KALRN: variants seen among roughly 807,000 people sequenced by gnomAD.
KALRN encodes the protein kalirin RhoGEF kinase, also known as kalirin.
A neutral mutation model predicts 353.7 loss-of-function variants in KALRN; 70 were observed. The ratio of observed to expected loss-of-function variants is 0.20; its 90% CI spans 0.16 to 0.24. The LOEUF is 0.24. Ranked by LOEUF, KALRN falls within the 10% of genes least tolerant of loss-of-function variation. The probability of loss-of-function intolerance (pLI) is 1.00; values close to 1 mark genes in which losing one functional copy is unlikely to be tolerated. For missense variants in KALRN, 2,791 were observed against 3,756.7 expected, an observed-to-expected ratio of 0.74 and a Z score of 6.72; for synonymous variants, 1,391 against 1,434.8, an observed-to-expected ratio of 0.97 and a Z score of 0.69.
chr3:124,279,995 G>A (rs1008052842), intron 5 of KALRN, among the ~76,000 whole-genome samples: 1 of 152,206 alleles, frequency 6.6e-6, no homozygotes, highest in Non-Finnish European at 1.5e-5. Flanking sequence ...TCTACAGAGA[G>A]GAGTGCAGGA....
At chr3:124,187,513 G>A (rs892788380) in intron 1 of KALRN, among the ~76,000 whole-genome samples, 7 of 152,320 alleles carry the variant, frequency 4.6e-5, no homozygotes, top group African/African-American at 1.4e-4. Flanking sequence ...TAAGCCTCTG[G>A]TATGAAAGGC....
intron 1 of KALRN, among the ~76,000 whole-genome samples, chr3:124,089,195 A>G (rs1375369186): frequency 6.6e-6 from 1 of 152,212 alleles, no homozygotes; most frequent in Non-Finnish European, 1.5e-5. Flanking sequence ...ATTATTATCA[A>G]TCCTAGTCCT....
At chr3:124,508,800 A>G (rs891824933) in intron 33 of KALRN, among the ~76,000 whole-genome samples, 2 of 152,216 alleles carry the variant, frequency 1.3e-5, no homozygotes, top group East Asian at 1.9e-4. Context: ...CCATTGCTCT[A>G]TATCCTCACC....
At position 124,220,905 on chromosome 3, in the gene KALRN, C is replaced by T. The variant is rs118150603; in HGVS notation, c.74-7085C>T. On this transcript the variant is annotated intron_variant, in intron 1 of 59. Coordinates refer to ENST00000682506, the MANE Select transcript of KALRN (RefSeq NM_001388419.1). ...CCTCAAAGATAAAGCAGAATGTGACCTGGAGGTTGGGATCAGAGCCTGCTG... is the reference window on the plus strand; with the variant it reads ...CCTCAAAGATAAAGCAGAATGTGACTTGGAGGTTGGGATCAGAGCCTGCTG... Among the ~76,000 whole-genome samples the T allele has an allele frequency of 6.8e-4, 103 of 152,336 alleles. No homozygotes were observed. The East Asian group carries it at 0.019, about 28-fold the overall frequency.
chr3:124,462,951 G>A lies in KALRN; in HGVS notation c.4031+318G>A, dbSNP rs150386784. Among the ~76,000 whole-genome samples the A allele has an allele frequency of 1.6e-3, 236 of 152,256 alleles. 3 individuals are homozygous for A. The highest frequency in any genetic ancestry group is 4.6e-3 in the East Asian group (24 of 5,176). On this transcript the variant is annotated intron_variant, in intron 25 of 59. Coordinates refer to ENST00000682506, the MANE Select transcript of KALRN (RefSeq NM_001388419.1). The stretch of plus-strand genomic sequence containing the variant: ...ATTAAATCTTGTGGGAAATCCTGAC[G>A]TTAGAATTCATCTGAGGCTAACCAT...
intron 51 of KALRN, among the ~76,000 whole-genome samples, chr3:124,681,443 T>C (rs638475): frequency 0.015 from 2,303 of 152,122 alleles, 61 homozygotes; most frequent in African/African-American, 0.053. Flanking sequence ...AAACCAAAAA[T>C]TGTGTTGATG....
chr3:124,712,820 T>C lies in KALRN; in HGVS notation c.8076-115T>C, dbSNP rs538741882. 4.6e-6 allele frequency: 3 copies of C among 646,684 alleles called. No individual in the cohort carries two copies. The African/African-American group carries it at 5.5e-5, about 12-fold the overall frequency. The allele number at this position is 646,684 out of a possible 1,614,324, so 40.1% of individuals were successfully genotyped here. A position where few individuals can be genotyped will look rare whatever the true frequency, so the allele number is the denominator to read the frequency against. On this transcript the variant is annotated intron_variant, in intron 57 of 59. Coordinates refer to ENST00000682506, the MANE Select transcript of KALRN (RefSeq NM_001388419.1). ...CATTATAATTAAAAATATAGGAGAG[T>C]AGGATTCCTAATAAGATCTATCTGA...
chr3:124,468,284 CTCT>C, intron 25 of KALRN, among the ~76,000 whole-genome samples: 1 of 152,176 alleles, frequency 6.6e-6, no homozygotes, highest in Non-Finnish European at 1.5e-5. Context: ...CTTCCTCCTC[CTCT>C]TTTTTAAAAT....
chr3:124,531,934 T>C (rs2068079415), intron 33 of KALRN, among the ~76,000 whole-genome samples: 1 of 152,178 alleles, frequency 6.6e-6, no homozygotes, highest in African/African-American at 2.4e-5. Flanking sequence ...ATGTTTAAAG[T>C]ATAAAGGTAA....
intron 33 of KALRN, chr3:124,504,977 G>A (rs760304114): frequency 1.2e-5 from 6 of 492,720 alleles, no homozygotes; most frequent in South Asian, 9.1e-5. Context: ...TTCTGCCAGG[G>A]GAAGGGGTAC....
At chr3:124,389,327 C>T (rs190681553) in intron 11 of KALRN, among the ~76,000 whole-genome samples, 15 of 152,266 alleles carry the variant, frequency 9.9e-5, no homozygotes, top group Admixed American at 8.5e-4. Context: ...TCCTAGGACT[C>T]CCCAGGCTAA....
intron 1 of KALRN, among the ~76,000 whole-genome samples, chr3:124,165,619 G>A (rs2070716990): frequency 6.6e-6 from 1 of 152,132 alleles, no homozygotes; most frequent in South Asian, 2.1e-4. Context: ...TGCCCTAAGA[G>A]GCTTAGACTT....
intron 15 of KALRN, among the ~76,000 whole-genome samples, chr3:124,426,277 G>A (rs2093014998): frequency 6.6e-6 from 1 of 152,176 alleles, no homozygotes; most frequent in African/African-American, 2.4e-5. Flanking sequence ...AGTTAATTTA[G>A]ATGTCGGTAT....
intron 45 of KALRN, among the ~76,000 whole-genome samples, chr3:124,664,542 C>T (rs1265303787): frequency 2.6e-5 from 4 of 151,964 alleles, no homozygotes. Flanking sequence ...TCCCAAGTAG[C>T]TGGGATTACA....
At chr3:124,115,718 G>A (rs2063396004) in intron 1 of KALRN, among the ~76,000 whole-genome samples, 1 of 152,156 alleles carries the variant, frequency 6.6e-6, no homozygotes, top group Non-Finnish European at 1.5e-5. Flanking sequence ...TCGAGCAACG[G>A]CAGCTTGTGG....
At chr3:124,607,943 T>A (rs1361175157) in intron 34 of KALRN, among the ~76,000 whole-genome samples, 1 of 152,124 alleles carries the variant, frequency 6.6e-6, no homozygotes, top group East Asian at 1.9e-4. Context: ...GTATCCTGCT[T>A]TTTTTCCACT....
rs140378067 is a variant in KALRN at position 124,518,430 on chromosome 3, G to C, written c.4935+22017G>C. On this transcript the variant is annotated intron_variant, in intron 33 of 59. Transcript: ENST00000682506. ...CAACCTTGTTCCTCGGTGGCACCTG[G>C]GACCTGGAGATCCTTTCTCCACTTA... is the stretch of plus-strand genomic sequence containing the variant. The C allele has an allele frequency of 4.3e-6, 7 of 1,613,906 alleles. No individual in the cohort carries two copies. In the African/African-American group the frequency reaches 9.3e-5, roughly 22 times the overall value.
At chr3:124,439,208 A>T (rs1050037687) in intron 18 of KALRN, among the ~76,000 whole-genome samples, 171 bp downstream of exon 18, 34 of 148,926 alleles carry the variant, frequency 2.3e-4, no homozygotes, top group African/African-American at 3.7e-4. Flanking sequence ...TCTCACACAC[A>T]CACACACACA....
intron 5 of KALRN, among the ~76,000 whole-genome samples, chr3:124,282,159 G>A (rs1031115687): frequency 5.9e-5 from 9 of 152,106 alleles, no homozygotes; most frequent in Admixed American, 2.0e-4. Context: ...CTGGATGTCA[G>A]GGGGCAAAGG....
Sources: allele counts gnomAD v4.1 joint callset (sites outside exome capture counted in the v4.1 genomes callset), GRCh38; gene constraint gnomAD v4.1.1; transcripts MANE v1.5; gene names NCBI Gene and HGNC (gene_info 2026-07-23, HGNC 2026-07-21).